NHSL2: variants seen among roughly 807,000 people sequenced by gnomAD.
NHSL2 encodes the protein NHS-like protein 2.
A neutral mutation model predicts 53.4 loss-of-function variants in NHSL2; 27 were observed. That is an observed-to-expected ratio of 0.51 (90% confidence interval 0.37 to 0.70). The LOEUF is 0.70. NHSL2 is among the 30% of genes least tolerant of loss of function. The pLI, the probability that NHSL2 is intolerant of heterozygous loss-of-function variation, is 0.00. For missense variants in NHSL2, 892 were observed against 980.1 expected (o/e 0.91, Z 1.20); for synonymous variants, 408 against 404.1 (o/e 1.01, Z -0.12).
chrX:72,087,454 G>A (rs2041858630), intron 1 of NHSL2, among the ~76,000 whole-genome samples: 1 of 112,744 alleles, frequency 8.9e-6, no homozygotes, highest in Non-Finnish European at 1.9e-5. Flanking sequence ...GTACAACATT[G>A]TGAATAGGTT....
intron 1 of NHSL2, among the ~76,000 whole-genome samples, chrX:71,951,445 G>T (rs2041820622): frequency 8.9e-6 from 1 of 111,976 alleles, no homozygotes; most frequent in Non-Finnish European, 1.9e-5. Flanking sequence ...CTGCCATACT[G>T]TTTTCCCTAC....
At chrX:71,932,271 G>A (rs981069948) in intron 1 of NHSL2, among the ~76,000 whole-genome samples, 1 of 110,117 alleles carries the variant, frequency 9.1e-6, no homozygotes, top group Admixed American at 9.8e-5. Context: ...GTTCTCAAAG[G>A]CGAGAAAGGA....
intron 1 of NHSL2, among the ~76,000 whole-genome samples, chrX:71,994,087 CCT>C (rs922134092): frequency 2.7e-5 from 3 of 112,039 alleles, no homozygotes; most frequent in Non-Finnish European, 5.6e-5. Context: ...AAATGCTTCT[CCT>C]CTCTCTGATC....
Position 72,110,219 on chromosome X carries a change from C to T in NHSL2, c.281-21860C>T, listed in dbSNP as rs1040432987. On this transcript the variant is annotated intron_variant, in intron 1 of 7. Transcript: ENST00000633930. Reference sequence around the variant, plus strand: ...GAAATACAGAATCTCAGCACACACACCCCCGCTCCACCTACTGCGACAGAA... The same window carrying T: ...GAAATACAGAATCTCAGCACACACATCCCCGCTCCACCTACTGCGACAGAA... Among the ~76,000 whole-genome samples the T allele has an allele frequency of 3.6e-5, 4 of 111,617 alleles. No individual in the cohort carries two copies. The Admixed American group carries it at 3.8e-4, about 11-fold the overall frequency.
At chrX:71,986,041 A>T (rs770539585) in intron 1 of NHSL2, among the ~76,000 whole-genome samples, 171 of 111,925 alleles carry the variant, frequency 1.5e-3, no homozygotes, top group African/African-American at 5.4e-3. Context: ...CTGATAATAT[A>T]TGCTAAGTTA....
intron 1 of NHSL2, among the ~76,000 whole-genome samples, chrX:72,088,936 T>G (rs1406666356): frequency 8.9e-6 from 1 of 112,098 alleles, no homozygotes; most frequent in African/African-American, 3.3e-5. Context: ...TACATACCCT[T>G]CGGATGGCCG....
chrX:71,957,353 G>A (rs185105123), intron 1 of NHSL2, among the ~76,000 whole-genome samples: 7 of 112,274 alleles, frequency 6.2e-5, no homozygotes, highest in South Asian at 7.5e-4. Context: ...TGCGAGCTCC[G>A]CCTCCCGGGT....
chrX:71,940,525 G>A (rs2041760744), intron 1 of NHSL2, among the ~76,000 whole-genome samples: 1 of 111,757 alleles, frequency 8.9e-6, no homozygotes, highest in Non-Finnish European at 1.9e-5. Flanking sequence ...ACACAGGTGA[G>A]GGAGGGGACA....
Position 71,936,823 on chromosome X carries a change from T to C in NHSL2, c.280+25456T>C, listed in dbSNP as rs138452048. Among the ~76,000 whole-genome samples, 583 of 110,707 alleles carry C rather than the reference T, an allele frequency of 5.3e-3. 2 individuals are homozygous for C. The highest frequency in any genetic ancestry group is 0.018 in the African/African-American group (555 of 30,378). On this transcript the variant is annotated intron_variant, in intron 1 of 7. Coordinates refer to ENST00000633930, the MANE Select transcript of NHSL2 (RefSeq NM_001013627.3). ...AGAATGAGGTTACAGTTTGGGTCAG[T>C]GGTATGGGTCAGTTGCCATTTTGAA...
intron 1 of NHSL2, among the ~76,000 whole-genome samples, chrX:71,911,583 C>T (rs2041602932): frequency 1.8e-5 from 2 of 112,239 alleles, no homozygotes; most frequent in Admixed American, 1.9e-4. Flanking sequence ...CCGGTCGCGC[C>T]GTCCGGAGTG....
chrX:72,086,478 G>C (rs986179008), intron 1 of NHSL2, among the ~76,000 whole-genome samples: 8 of 111,498 alleles, frequency 7.2e-5, no homozygotes, highest in Non-Finnish European at 1.5e-4. Flanking sequence ...GAGGTCAAGA[G>C]TTCAAGACCA....
rs746109935 is a variant in NHSL2, at chrX:72,144,501, A to G, written c.*927A>G. On this transcript the variant is annotated 3_prime_UTR_variant, in exon 8 of 8. Transcript: ENST00000633930. ...ATTCATTACAGGAAGTAATTAACTG[A>G]AGGAACAGCATCATCAAAGGCTCAA... 3.0e-6 allele frequency: 3 copies of G among 1,016,048 alleles called. No homozygotes were observed. The highest frequency in any genetic ancestry group is 3.9e-6 in the Non-Finnish European group (3 of 768,593). The allele number at this position is 1,016,048 out of a possible 1,213,427, so 83.7% of individuals were successfully genotyped here.
intron 1 of NHSL2, among the ~76,000 whole-genome samples, chrX:71,966,473 C>T (rs1047319912): frequency 6.3e-5 from 7 of 111,643 alleles, no homozygotes; most frequent in Non-Finnish European, 1.1e-4. Context: ...CTTTCTATTT[C>T]TAGTTTGCTA....
At chrX:72,134,761 C>T (rs1248515552) in intron 4 of NHSL2, 57 bp downstream of exon 4, 20 of 856,033 alleles carry the variant, frequency 2.3e-5, no homozygotes, top group Non-Finnish European at 3.0e-5. Flanking sequence ...ACAGACCATC[C>T]TCTTTGATGC....
chrX:71,919,546 A>T (rs2041646488), intron 1 of NHSL2, among the ~76,000 whole-genome samples: 1 of 111,755 alleles, frequency 8.9e-6, no homozygotes, highest in Admixed American at 9.4e-5. Context: ...TTTCCAGAAT[A>T]TGTAAAGAAT....
At chrX:72,111,692 T>C (rs1472835485) in intron 1 of NHSL2, among the ~76,000 whole-genome samples, 1 of 111,733 alleles carries the variant, frequency 8.9e-6, no homozygotes, top group Non-Finnish European at 1.9e-5. Flanking sequence ...CTTGACATAC[T>C]CACACTCAGT....
intron 1 of NHSL2, among the ~76,000 whole-genome samples, chrX:72,049,425 G>A (rs1482321271): frequency 9.0e-6 from 1 of 110,904 alleles, no homozygotes; most frequent in East Asian, 2.8e-4. Context: ...TTCTCTCAAA[G>A]GCATTGCAGC....
At chrX:71,957,928 G>A (rs1373385222) in intron 1 of NHSL2, among the ~76,000 whole-genome samples, 1 of 111,687 alleles carries the variant, frequency 9.0e-6, no homozygotes, top group East Asian at 2.8e-4. Flanking sequence ...AAATGCCTTG[G>A]GAGATGAACA....
rs141691096 is a variant in NHSL2, at chrX:72,025,975, G to A, written c.281-106104G>A. On this transcript the variant is annotated intron_variant, in intron 1 of 7. Coordinates refer to ENST00000633930, the MANE Select transcript of NHSL2 (RefSeq NM_001013627.3). ...CCTAAGGTGGTCCTGAGGATTCAGTGAAGTAATACACATAAAGCACTTGGC... is the reference window on the plus strand; with the variant it reads ...CCTAAGGTGGTCCTGAGGATTCAGTAAAGTAATACACATAAAGCACTTGGC... Among the ~76,000 whole-genome samples, 62 of 112,503 alleles carry A rather than the reference G, an allele frequency of 5.5e-4. No individual in the cohort carries two copies. The East Asian group carries it at 0.015, about 28-fold the overall frequency.
Sources: allele counts gnomAD v4.1 joint callset (sites outside exome capture counted in the v4.1 genomes callset), GRCh38; gene constraint gnomAD v4.1.1; transcripts MANE v1.5; gene names NCBI Gene and HGNC (gene_info 2026-07-23, HGNC 2026-07-21).